The following CDK19 variants were observed in gnomAD, a reference collection of about 807,000 sequenced individuals.
CDK19 encodes cyclin-dependent kinase 19.
CDK19 carries 20 observed loss-of-function variants against 68.3 expected under a neutral mutation model. That is an observed-to-expected ratio of 0.29 (90% CI 0.21 to 0.43). The LOEUF (loss-of-function observed/expected upper bound fraction) is 0.43, where lower values mean the gene tolerates loss of function less well. Among genes scored for constraint, CDK19 ranks in the 20% least tolerant of loss-of-function variants. The pLI is 1.00. For synonymous variants in CDK19, 221 were observed against 222.8 expected, an observed-to-expected ratio of 0.99 and a Z score of 0.07; for missense variants, 339 against 623.5, an observed-to-expected ratio of 0.54 and a Z score of 4.86.
intron 2 of CDK19, among the ~76,000 whole-genome samples, chr6:110,715,918 C>T (rs998545146): frequency 6.6e-6 from 1 of 152,150 alleles, no homozygotes; most frequent in Admixed American, 6.5e-5. Flanking sequence ...CTTTTATAAG[C>T]ACCCTAAAAT....
At chr6:110,670,098 A>G in intron 3 of CDK19, among the ~76,000 whole-genome samples, 1 of 152,148 alleles carries the variant, frequency 6.6e-6, no homozygotes. Context: ...CAGAGGTTGC[A>G]GTGAGCCAAG....
chr6:110,793,468 C>G (rs962106489), intron 1 of CDK19, among the ~76,000 whole-genome samples: 3 of 152,088 alleles, frequency 2.0e-5, no homozygotes, highest in Non-Finnish European at 4.4e-5. Flanking sequence ...ACATGAAAGT[C>G]AACAAAATGT....
At chr6:110,785,428 T>C (rs983743998) in intron 1 of CDK19, among the ~76,000 whole-genome samples, 1 of 152,230 alleles carries the variant, frequency 6.6e-6, no homozygotes, top group Non-Finnish European at 1.5e-5. Flanking sequence ...TTTTGTATGT[T>C]ATTTTTATTA....
intron 4 of CDK19, among the ~76,000 whole-genome samples, chr6:110,657,299 C>T (rs1781362595): frequency 6.6e-6 from 1 of 152,148 alleles, no homozygotes; most frequent in South Asian, 2.1e-4. Flanking sequence ...AAGACTTCTA[C>T]CTGATGTGTG....
At chr6:110,757,242 G>A (rs985744541) in intron 1 of CDK19, among the ~76,000 whole-genome samples, 1 of 152,096 alleles carries the variant, frequency 6.6e-6, no homozygotes, top group East Asian at 1.9e-4. Flanking sequence ...CATGCCACAG[G>A]CGCCCTTCTT....
Position 110,701,656 on chromosome 6 carries a change from T to C in CDK19, c.205-31115A>G, listed in dbSNP as rs576436153. On this transcript the variant is annotated intron_variant, in intron 2 of 12. Transcript: ENST00000368911. ...TATAAATTAAAATAGTCAAAAATTATCTAACAATATGACTATCTCAACTGA... is the reference window on the plus strand; with the variant it reads ...TATAAATTAAAATAGTCAAAAATTACCTAACAATATGACTATCTCAACTGA... 2.6e-5 allele frequency among the ~76,000 whole-genome samples: 4 copies of C among 152,182 alleles called. No homozygotes were observed. In the East Asian group the frequency reaches 7.7e-4, roughly 29 times the overall value.
intron 1 of CDK19, among the ~76,000 whole-genome samples, chr6:110,802,059 G>A (rs1397402017): frequency 2.6e-5 from 4 of 152,184 alleles, no homozygotes; most frequent in Non-Finnish European, 5.9e-5. Context: ...GAGGAGAAAA[G>A]GGAATGCTTA....
At chr6:110,790,862 A>G (rs1781543124) in intron 1 of CDK19, among the ~76,000 whole-genome samples, 1 of 152,028 alleles carries the variant, frequency 6.6e-6, no homozygotes, top group Non-Finnish European at 1.5e-5. Context: ...ATGTATACAG[A>G]CTATAGTTAT....
intron 1 of CDK19, among the ~76,000 whole-genome samples, chr6:110,796,427 T>G (rs149881674): frequency 7.4e-4 from 113 of 151,694 alleles, no homozygotes; most frequent in Middle Eastern, 3.5e-3. Flanking sequence ...CTGAGGTGGG[T>G]GGACTGTTTG....
At chr6:110,623,913 A>G (rs1307101319) in intron 8 of CDK19, among the ~76,000 whole-genome samples, 8 of 144,442 alleles carry the variant, frequency 5.5e-5, no homozygotes, top group South Asian at 4.2e-4. Context: ...ATATATACGT[A>G]TATATATATA....
At chr6:110,668,871 C>T (rs1770752808) in intron 3 of CDK19, among the ~76,000 whole-genome samples, 1 of 151,548 alleles carries the variant, frequency 6.6e-6, no homozygotes, top group African/African-American at 2.4e-5. Flanking sequence ...TCAATGTGTG[C>T]ACTTCAGATA....
chr6:110,714,760 G>A (rs1198009449), intron 2 of CDK19, among the ~76,000 whole-genome samples: 1 of 136,408 alleles, frequency 7.3e-6, no homozygotes, highest in African/African-American at 2.8e-5. Flanking sequence ...TTGAGATGGA[G>A]TCTCACTCTG....
intron 5 of CDK19, among the ~76,000 whole-genome samples, chr6:110,634,633 T>A (rs1281333345): frequency 6.6e-6 from 1 of 152,254 alleles, no homozygotes; most frequent in Admixed American, 6.5e-5. Flanking sequence ...TGCTGATACC[T>A]ACTCTTTTTA....
Position 110,770,685 on chromosome 6 carries a change from C to A in CDK19, c.129-24484G>T, listed in dbSNP as rs111335435. Reference sequence around the variant, plus strand: ...AGTCCCTCAAAGTCTTAACTCATTTCAGCATTAACCCAAAAGTCCACAGTC... The same window carrying A: ...AGTCCCTCAAAGTCTTAACTCATTTAAGCATTAACCCAAAAGTCCACAGTC... On this transcript the variant is annotated intron_variant, in intron 1 of 12. Coordinates refer to ENST00000368911, the MANE Select transcript of CDK19 (RefSeq NM_015076.5). Among the ~76,000 whole-genome samples, 1,461 of 152,248 alleles carry A rather than the reference C, an allele frequency of 9.6e-3. 24 individuals are homozygous for A. The highest frequency in any genetic ancestry group is 0.034 in the African/African-American group (1,400 of 41,546).
At chr6:110,813,710 T>C (rs1411759098) in intron 1 of CDK19, 5 of 151,914 alleles carry the variant, frequency 3.3e-5, no homozygotes, top group Non-Finnish European at 5.9e-5. Flanking sequence ...CAAAACACTT[T>C]ATAATAGAGT....
At chr6:110,811,379 C>G (rs1037847503) in intron 1 of CDK19, among the ~76,000 whole-genome samples, 6 of 152,138 alleles carry the variant, frequency 3.9e-5, no homozygotes, top group African/African-American at 1.4e-4. Context: ...AAAACAAACT[C>G]TGTAAGCTGT....
At chr6:110,651,852 T>C (rs1780992316) in intron 4 of CDK19, among the ~76,000 whole-genome samples, 2 of 152,176 alleles carry the variant, frequency 1.3e-5, no homozygotes. Flanking sequence ...TAACTACAGT[T>C]TTAGTTTATT....
intron 6 of CDK19, among the ~76,000 whole-genome samples, chr6:110,627,596 G>A (rs1173903921): frequency 6.6e-6 from 1 of 152,036 alleles, no homozygotes; most frequent in Non-Finnish European, 1.5e-5. Flanking sequence ...CTGAAGCCTT[G>A]ACCTCCTGGG....
chr6:110,785,894 C>T (rs746639929), intron 1 of CDK19, among the ~76,000 whole-genome samples: 7 of 151,698 alleles, frequency 4.6e-5, no homozygotes, highest in Non-Finnish European at 8.8e-5. Context: ...GCAGAAGAAT[C>T]GCTTGAACCG....
Sources: allele counts gnomAD v4.1 joint callset (sites outside exome capture counted in the v4.1 genomes callset), GRCh38; gene constraint gnomAD v4.1.1; transcripts MANE v1.5; gene names NCBI Gene and HGNC (gene_info 2026-07-23, HGNC 2026-07-21).